Variants in RNF217 observed in about 807,000 individuals in gnomAD.
RNF217 encodes ring finger protein 217.
Under a neutral mutation model 57.8 loss-of-function variants are expected in RNF217, and 31 were observed. The observed-to-expected ratio is 0.54, with a 90% CI of 0.40 to 0.72. RNF217 has a LOEUF of 0.72. Among genes scored for constraint, RNF217 ranks in the 30% least tolerant of loss-of-function variants. The pLI is 0.00. For missense variants in RNF217, 696 were observed against 708.3 expected (o/e 0.98, Z 0.20); for synonymous variants, 313 against 294.0 (o/e 1.06, Z -0.66).
chr6:125,053,103 G>C (rs1787389774), intron 2 of RNF217, among the ~76,000 whole-genome samples: 1 of 152,052 alleles, frequency 6.6e-6, no homozygotes, highest in African/African-American at 2.4e-5. Context: ...CTCATCACTT[G>C]TCCCTGTAAC....
At chr6:125,041,738 G>A (rs528464401) in intron 1 of RNF217, among the ~76,000 whole-genome samples, 4 of 152,036 alleles carry the variant, frequency 2.6e-5, no homozygotes, top group South Asian at 2.1e-4. Flanking sequence ...GTTACAATCT[G>A]TCTTGTTTAT....
In RNF217 at chr6:125,015,019, A is replaced by G. The variant is rs554802240; in HGVS notation, c.883-30192A>G. Among the ~76,000 whole-genome samples the G allele has an allele frequency of 2.2e-4, 34 of 152,246 alleles. 1 individual carries two copies. In the South Asian group the frequency reaches 4.4e-3, roughly 20 times the overall value. ...AAATATGTGTTTTTATTTTCCCAGA[A>G]AGCCAGCAACATTGCCATTTAGCTA... On this transcript the variant is annotated intron_variant, in intron 1 of 5. Coordinates refer to ENST00000521654, the MANE Select transcript of RNF217 (RefSeq NM_001286398.3).
intron 1 of RNF217, among the ~76,000 whole-genome samples, chr6:124,993,428 A>G (rs1226666577): frequency 1.3e-5 from 2 of 152,054 alleles, no homozygotes; most frequent in African/African-American, 4.8e-5. Flanking sequence ...CTGTTAACCA[A>G]ACTTTGGTTA....
At chr6:125,017,956 G>A (rs571406851) in intron 1 of RNF217, among the ~76,000 whole-genome samples, 2 of 152,124 alleles carry the variant, frequency 1.3e-5, no homozygotes, top group Admixed American at 6.5e-5. Flanking sequence ...ATTTTCTGAT[G>A]CGTTTAAAAT....
intron 1 of RNF217, among the ~76,000 whole-genome samples, chr6:124,991,255 G>A (rs1045551864): frequency 7.2e-5 from 11 of 152,162 alleles, no homozygotes; most frequent in South Asian, 2.1e-4. Flanking sequence ...CCAGCTTCTC[G>A]GACTCTTTGC....
At chr6:125,067,353 T>G (rs1787971488) in intron 3 of RNF217, among the ~76,000 whole-genome samples, 1 of 152,192 alleles carries the variant, frequency 6.6e-6, no homozygotes, top group Non-Finnish European at 1.5e-5. Flanking sequence ...GTATCAGATT[T>G]ATATTTTAGG....
chr6:125,079,411 A>C (rs796359008), intron 4 of RNF217, among the ~76,000 whole-genome samples: 18 of 151,620 alleles, frequency 1.2e-4, no homozygotes, highest in African/African-American at 4.1e-4. Flanking sequence ...AAAACAATGG[A>C]GCCTTCTCCA....
At chr6:125,036,141 C>T (rs920248250) in intron 1 of RNF217, among the ~76,000 whole-genome samples, 12 of 151,916 alleles carry the variant, frequency 7.9e-5, no homozygotes, top group African/African-American at 1.5e-4. Flanking sequence ...GTGTTCTAAT[C>T]GTTCGACTCC....
intron 1 of RNF217, among the ~76,000 whole-genome samples, chr6:125,025,166 A>G (rs747191736): frequency 3.0e-4 from 45 of 152,198 alleles, no homozygotes; most frequent in East Asian, 1.9e-4. Context: ...TAAGGATTCA[A>G]ATGGACATTT....
At chr6:125,057,654 A>G (rs553378901) in intron 2 of RNF217, among the ~76,000 whole-genome samples, 1 of 152,270 alleles carries the variant, frequency 6.6e-6, no homozygotes, top group South Asian at 2.1e-4. Context: ...TTCAGGTTCA[A>G]TCTGGGAGAC....
intron 2 of RNF217, among the ~76,000 whole-genome samples, chr6:125,045,785 C>T (rs1003710155): frequency 2.0e-5 from 3 of 150,228 alleles, no homozygotes; most frequent in Non-Finnish European, 4.4e-5. Flanking sequence ...ATTTTTTTTT[C>T]AGTGGTCCCA....
intron 1 of RNF217, among the ~76,000 whole-genome samples, chr6:125,025,393 T>C (rs531644031): frequency 6.6e-6 from 1 of 152,242 alleles, no homozygotes; most frequent in African/African-American, 2.4e-5. Context: ...GCTTTTATAG[T>C]GGGAGAAACT....
At chr6:125,009,054 GT>G (rs1785315916) in intron 1 of RNF217, 2 of 443,796 alleles carry the variant, frequency 4.5e-6, no homozygotes, top group Non-Finnish European at 7.9e-6. Flanking sequence ...TATATCACTG[GT>G]TCATAGAGAA....
chr6:125,034,805 G>C (rs1319797170), intron 1 of RNF217, among the ~76,000 whole-genome samples: 2 of 151,944 alleles, frequency 1.3e-5, no homozygotes, highest in African/African-American at 4.8e-5. Flanking sequence ...CCATTTTCAC[G>C]ATATTGATTC....
At position 125,085,037 on chromosome 6, in the gene RNF217, GAT is replaced by G. The variant is rs1788731942; in HGVS notation, c.*2107_*2108del. 6.6e-6 allele frequency: 1 copy of G among 151,764 alleles called. No homozygotes were observed. Among genetic ancestry groups the G allele is most frequent in the African/African-American group, 2.4e-5 (1 of 41,370 alleles). The allele number at this position is 151,764 out of a possible 1,614,324, so 9.4% of individuals were successfully genotyped here. On this transcript the variant is annotated 3_prime_UTR_variant, in exon 6 of 6. Transcript: ENST00000521654. ...TATGATGTATATATGTCATATGTAT[GAT>G]ATATATGAAATATTCCCATAACTGC...
chr6:124,969,185 C>A (rs1295598108), intron 1 of RNF217, among the ~76,000 whole-genome samples: 2 of 152,088 alleles, frequency 1.3e-5, no homozygotes, highest in South Asian at 4.1e-4. Context: ...AGTTATAAAT[C>A]TATTACTTAT....
chr6:125,083,788 G>T lies in RNF217; in HGVS notation c.*851G>T, dbSNP rs1324891890. 3.3e-5 allele frequency: 5 copies of T among 151,998 alleles called. No individual in the cohort carries two copies. Among genetic ancestry groups the T allele is most frequent in the African/African-American group, 1.2e-4 (5 of 41,416 alleles). The allele number at this position is 151,998 out of a possible 1,614,324, so 9.4% of individuals were successfully genotyped here. ...TTGTCACACAAACACAGAAATTTGTGCAACGTCACCCCAAGGAGTATTAAG... is the reference window on the plus strand; with the variant it reads ...TTGTCACACAAACACAGAAATTTGTTCAACGTCACCCCAAGGAGTATTAAG... On this transcript the variant is annotated 3_prime_UTR_variant, in exon 6 of 6. Coordinates refer to ENST00000521654, the MANE Select transcript of RNF217 (RefSeq NM_001286398.3).
intron 1 of RNF217, among the ~76,000 whole-genome samples, chr6:124,987,246 G>A (rs1385416943): frequency 1.3e-5 from 2 of 152,114 alleles, no homozygotes. Flanking sequence ...ATATCGTATA[G>A]TTCACATATT....
In RNF217 at chr6:125,089,866, C is replaced by G. The variant is rs1215820778; in HGVS notation, c.*6929C>G. The G allele has an allele frequency of 1.3e-5, 2 of 152,012 alleles. No homozygotes were observed. Among genetic ancestry groups the G allele is most frequent in the Admixed American group, 6.6e-5 (1 of 15,238 alleles). 9.4% of individuals were successfully genotyped at this position (152,012 alleles called of 1,614,324 possible). A position where few individuals can be genotyped will look rare whatever the true frequency, so the allele number is the denominator to read the frequency against. On this transcript the variant is annotated 3_prime_UTR_variant, in exon 6 of 6. Transcript: ENST00000521654. ...GAATGTATTACTTCTTCAATATCCC[C>G]ATATATTTGTATTGTTTCAAGCCAC...
Sources: gnomAD v4.1 joint callset for allele counts (sites outside exome capture counted in the v4.1 genomes callset) on GRCh38, gnomAD v4.1.1 for gene constraint, MANE v1.5 for transcripts, NCBI Gene and HGNC (gene_info 2026-07-23, HGNC 2026-07-21) for gene names.